The following HIPK2 variants were observed in gnomAD, a reference collection of about 807,000 sequenced individuals.
The protein encoded by HIPK2 is homeodomain interacting protein kinase 2, also known as homeodomain-interacting protein kinase 2.
In HIPK2, 27 loss-of-function variants were observed where a neutral mutation model predicts 113.7. The observed-to-expected ratio is 0.24, with a 90% CI of 0.17 to 0.33. The LOEUF is 0.33. Ranked by LOEUF, HIPK2 falls within the 10% of genes least tolerant of loss-of-function variation. The probability of loss-of-function intolerance (pLI) is 1.00; values close to 1 mark genes in which losing one functional copy is unlikely to be tolerated. For missense variants in HIPK2, 1,257 were observed against 1,588.0 expected (o/e 0.79, Z 3.54); for synonymous variants, 631 against 642.2 (o/e 0.98, Z 0.26).
intron 1 of HIPK2, among the ~76,000 whole-genome samples, chr7:139,731,706 TG>T (rs1399703756): frequency 1.3e-5 from 2 of 152,250 alleles, no homozygotes; most frequent in African/African-American, 4.8e-5. Flanking sequence ...GGATGTGAGA[TG>T]CAGATAACCC....
intron 2 of HIPK2, among the ~76,000 whole-genome samples, chr7:139,695,873 C>T (rs1389612559): frequency 6.6e-6 from 1 of 152,224 alleles, no homozygotes; most frequent in Non-Finnish European, 1.5e-5. Flanking sequence ...CTGCACTGGA[C>T]TCTCCTTGGG....
chr7:139,753,526 T>C (rs1028389216), intron 1 of HIPK2, among the ~76,000 whole-genome samples: 4 of 152,244 alleles, frequency 2.6e-5, no homozygotes, highest in African/African-American at 9.6e-5. Context: ...AAGCAAATTC[T>C]GACTTGGAAC....
chr7:139,624,185 G>A lies in HIPK2; in HGVS notation c.1619+2416C>T, dbSNP rs139471711. On this transcript the variant is annotated intron_variant, in intron 6 of 14. Transcript: ENST00000406875. ...TTACAGAAGTGCGGCCACCACGCTT[G>A]GCTAATTTTTGTATTTTTAGTAGAG... 3.4e-3 allele frequency among the ~76,000 whole-genome samples: 515 copies of A among 152,216 alleles called. 8 individuals are homozygous for A. The East Asian group carries it at 0.067, about 20-fold the overall frequency.
intron 12 of HIPK2, among the ~76,000 whole-genome samples, chr7:139,586,993 G>A (rs1169383003): frequency 1.3e-5 from 2 of 151,952 alleles, no homozygotes; most frequent in African/African-American, 4.8e-5. Context: ...TTGGGGTAGT[G>A]GAAAAGTTCT....
At chr7:139,675,316 AGGGTACTGACAGGTTGT>A (rs1450954331) in intron 2 of HIPK2, among the ~76,000 whole-genome samples, 1 of 151,988 alleles carries the variant, frequency 6.6e-6, no homozygotes, top group African/African-American at 2.4e-5. Flanking sequence ...ACTGACCTTC[AGGGTACTGACAGGTTGT>A]GCAACAGGTC....
At chr7:139,722,548 T>G (rs1795444507) in intron 1 of HIPK2, among the ~76,000 whole-genome samples, 1 of 152,196 alleles carries the variant, frequency 6.6e-6, no homozygotes, top group Non-Finnish European at 1.5e-5. Context: ...GTCTATAAAA[T>G]GCTAGACTTG....
chr7:139,638,664 T>A (rs2116352166), intron 2 of HIPK2, among the ~76,000 whole-genome samples: 1 of 149,418 alleles, frequency 6.7e-6, no homozygotes, highest in Non-Finnish European at 1.5e-5. Flanking sequence ...GTCTTTTTTT[T>A]TTTTTTTTTT....
At chr7:139,759,175 A>C (rs907352172) in intron 1 of HIPK2, among the ~76,000 whole-genome samples, 3 of 152,262 alleles carry the variant, frequency 2.0e-5, no homozygotes, top group African/African-American at 7.2e-5. Context: ...ATGACATTTA[A>C]ATACATGAAA....
At chr7:139,753,493 G>A (rs760469305) in intron 1 of HIPK2, among the ~76,000 whole-genome samples, 44 of 152,326 alleles carry the variant, frequency 2.9e-4, no homozygotes, top group Non-Finnish European at 5.3e-4. Flanking sequence ...CATGGAGAAA[G>A]ACACCAAATG....
Position 139,570,416 on chromosome 7 carries a change from C to T in HIPK2, c.*2511G>A, listed in dbSNP as rs905417464. On this transcript the variant is annotated 3_prime_UTR_variant, in exon 15 of 15. Transcript: ENST00000406875. ...GATAAAGACAGTATTGATAATGGCC[C>T]GAGGGAAGGGAATCTCCTTGCTGCA... 6.6e-5 allele frequency: 10 copies of T among 152,184 alleles called. No individual in the cohort carries two copies. The highest frequency in any genetic ancestry group is 1.9e-4 in the African/African-American group (8 of 41,406). The allele number at this position is 152,184 out of a possible 1,614,324, so 9.4% of individuals were successfully genotyped here. A position where few individuals can be genotyped will look rare whatever the true frequency, so the allele number is the denominator to read the frequency against.
chr7:139,603,835 T>C (rs1256015469), intron 10 of HIPK2, among the ~76,000 whole-genome samples: 1 of 152,208 alleles, frequency 6.6e-6, no homozygotes, highest in Non-Finnish European at 1.5e-5. Context: ...CATAACTGAA[T>C]TCTGGGTGGA....
intron 2 of HIPK2, among the ~76,000 whole-genome samples, chr7:139,653,480 C>T (rs1801538277): frequency 6.6e-6 from 1 of 150,806 alleles, no homozygotes; most frequent in South Asian, 2.1e-4. Flanking sequence ...TATGGTAAAA[C>T]TCTGACCCAT....
chr7:139,653,639 T>A (rs527239007), intron 2 of HIPK2, among the ~76,000 whole-genome samples: 2 of 152,166 alleles, frequency 1.3e-5, no homozygotes, highest in South Asian at 4.1e-4. Context: ...CGCCAAGTTT[T>A]ATGTTGCATT....
Position 139,579,649 on chromosome 7 carries a change from C to G in HIPK2, c.2965+4168G>C, listed in dbSNP as rs554918327. Among the ~76,000 whole-genome samples the G allele has an allele frequency of 6.0e-5, 9 of 149,798 alleles. No individual in the cohort carries two copies. In the South Asian group the frequency reaches 1.9e-3, roughly 31 times the overall value. On this transcript the variant is annotated intron_variant, in intron 13 of 14. Transcript: ENST00000406875. ...CCTCTCAAGAAGGTCAAAGGAAAACCGGAAACCTGGGGACAGAAGTTTCTG... is the reference window on the plus strand; with the variant it reads ...CCTCTCAAGAAGGTCAAAGGAAAACGGGAAACCTGGGGACAGAAGTTTCTG...
chr7:139,564,432 C>T lies in HIPK2; in HGVS notation c.*8495G>A, dbSNP rs1798033833. Reference sequence around the variant, plus strand: ...TCAAATCAAGACAAAAATCAATGAACCAGGTTATCTGTTCTCAATGACTCT... The same window carrying T: ...TCAAATCAAGACAAAAATCAATGAATCAGGTTATCTGTTCTCAATGACTCT... On this transcript the variant is annotated 3_prime_UTR_variant, in exon 15 of 15. Transcript: ENST00000406875. The T allele has an allele frequency of 6.6e-6, 1 of 152,452 alleles. No individual in the cohort carries two copies. The highest frequency in any genetic ancestry group is 1.5e-5 in the Non-Finnish European group (1 of 68,262). 9.4% of individuals were successfully genotyped at this position (152,452 alleles called of 1,614,324 possible).
chr7:139,713,328 C>T (rs939455437), intron 2 of HIPK2, among the ~76,000 whole-genome samples: 1 of 152,184 alleles, frequency 6.6e-6, no homozygotes, highest in African/African-American at 2.4e-5. Context: ...CACAGGCAAA[C>T]TTTTACTGCT....
chr7:139,611,061 T>G (rs1799798907), intron 9 of HIPK2, among the ~76,000 whole-genome samples: 1 of 152,228 alleles, frequency 6.6e-6, no homozygotes, highest in Non-Finnish European at 1.5e-5. Flanking sequence ...AGACACTGCT[T>G]TGGGAACTAT....
chr7:139,585,066 C>T (rs1798791197), intron 12 of HIPK2, among the ~76,000 whole-genome samples: 1 of 152,218 alleles, frequency 6.6e-6, no homozygotes, highest in South Asian at 2.1e-4. Context: ...TTATTTAAGA[C>T]TTTAAAATGA....
intron 2 of HIPK2, among the ~76,000 whole-genome samples, chr7:139,664,409 T>C (rs1356592108): frequency 1.3e-5 from 2 of 151,924 alleles, no homozygotes; most frequent in African/African-American, 4.8e-5. Flanking sequence ...TGGTGGTGGG[T>C]GCCTGTAATC....
Sources: gnomAD v4.1 joint callset for allele counts (sites outside exome capture counted in the v4.1 genomes callset) on GRCh38, gnomAD v4.1.1 for gene constraint, MANE v1.5 for transcripts, NCBI Gene and HGNC (gene_info 2026-07-23, HGNC 2026-07-21) for gene names.